IL1RAPL2: variants seen among roughly 807,000 people sequenced by gnomAD.
IL1RAPL2 encodes interleukin 1 receptor accessory protein like 2, also known as X-linked interleukin-1 receptor accessory protein-like 2.
IL1RAPL2 carries 3 observed loss-of-function variants against 44.1 expected under a neutral mutation model. The ratio of observed to expected loss-of-function variants is 0.07; its 90% CI spans 0.03 to 0.18. The LOEUF is 0.18. Among genes scored for constraint, IL1RAPL2 ranks in the 10% least tolerant of loss-of-function variants. The pLI, the probability that IL1RAPL2 is intolerant of heterozygous loss-of-function variation, is 1.00. For synonymous variants in IL1RAPL2, 181 were observed against 178.8 expected (o/e 1.01, Z -0.10); for missense variants, 391 against 496.4 (o/e 0.79, Z 2.02).
chrX:105,621,766 T>G (rs1336245209), intron 6 of IL1RAPL2, among the ~76,000 whole-genome samples: 1 of 111,258 alleles, frequency 9.0e-6, no homozygotes, highest in African/African-American at 3.3e-5. Flanking sequence ...ACTTAAAATA[T>G]TTTAAGGGAG....
At chrX:105,171,410 G>A (rs1300265344) in intron 2 of IL1RAPL2, among the ~76,000 whole-genome samples, 5 of 110,796 alleles carry the variant, frequency 4.5e-5, no homozygotes, top group Non-Finnish European at 9.5e-5. Flanking sequence ...AGAAGGTGGG[G>A]TATGTGGTAG....
intron 2 of IL1RAPL2, among the ~76,000 whole-genome samples, chrX:104,819,193 G>A (rs760039177): frequency 8.0e-5 from 9 of 112,182 alleles, no homozygotes; most frequent in East Asian, 2.8e-4. Context: ...TAAACCAATC[G>A]TAAATTGAAA....
chrX:105,595,660 G>A (rs369876730), intron 6 of IL1RAPL2, among the ~76,000 whole-genome samples: 1 of 111,187 alleles, frequency 9.0e-6, no homozygotes, highest in African/African-American at 3.3e-5. Context: ...GCTTTGCTAA[G>A]AGGGTGATGC....
At chrX:104,641,153 G>A (rs754177359) in intron 1 of IL1RAPL2, among the ~76,000 whole-genome samples, 21 of 111,878 alleles carry the variant, frequency 1.9e-4, no homozygotes, top group Non-Finnish European at 3.2e-4. Context: ...GGTTGGTTAC[G>A]CTTCAGGCCT....
intron 5 of IL1RAPL2, among the ~76,000 whole-genome samples, chrX:105,422,323 G>A (rs771761033): frequency 6.1e-4 from 68 of 111,504 alleles, no homozygotes; most frequent in South Asian, 4.1e-3. Flanking sequence ...TACTTACCCC[G>A]GGTTAGGACC....
rs1482286369 is a variant in IL1RAPL2, at chrX:105,464,781, G to A, written c.698-19532G>A. On this transcript the variant is annotated intron_variant, in intron 5 of 10. Coordinates refer to ENST00000372582, the MANE Select transcript of IL1RAPL2 (RefSeq NM_017416.2). ...CTTATTCCAGAGTCATGGGTAACTG[G>A]AGCCTATCCTGGCAGCTCAGGGCAC... Among the ~76,000 whole-genome samples the A allele has an allele frequency of 2.7e-5, 3 of 111,027 alleles. No homozygotes were observed. The East Asian group carries it at 8.6e-4, about 32-fold the overall frequency.
chrX:104,636,852 G>A (rs1346649439), intron 1 of IL1RAPL2, among the ~76,000 whole-genome samples: 3 of 111,677 alleles, frequency 2.7e-5, no homozygotes, highest in Non-Finnish European at 5.7e-5. Flanking sequence ...CCACTGTCCT[G>A]CACCCACTTT....
chrX:105,065,095 T>C (rs1442024743), intron 2 of IL1RAPL2, among the ~76,000 whole-genome samples: 1 of 112,323 alleles, frequency 8.9e-6, no homozygotes, highest in African/African-American at 3.2e-5. Context: ...AACTGACAGC[T>C]CAAATATAAT....
intron 2 of IL1RAPL2, among the ~76,000 whole-genome samples, chrX:104,809,670 T>G (rs1368517679): frequency 9.1e-6 from 1 of 109,914 alleles, no homozygotes; most frequent in African/African-American, 3.3e-5. Context: ...TTCTCCCATT[T>G]TGTAGGTTGC....
intron 2 of IL1RAPL2, among the ~76,000 whole-genome samples, chrX:104,955,348 G>C (rs1001824385): frequency 1.8e-5 from 2 of 110,139 alleles, no homozygotes; most frequent in African/African-American, 3.3e-5. Flanking sequence ...GGGAAGAACA[G>C]TCCCTAGCTG....
At chrX:105,275,526 T>C (rs1409221333) in intron 5 of IL1RAPL2, among the ~76,000 whole-genome samples, 1 of 112,362 alleles carries the variant, frequency 8.9e-6, no homozygotes, top group Non-Finnish European at 1.9e-5. Flanking sequence ...GACTAATTAA[T>C]ATCTACATCT....
In IL1RAPL2 at chrX:105,048,646, C is replaced by T. The variant is rs773771395; in HGVS notation, c.83-146829C>T. ...TCATGTGCTCAATAGTCACACGTGGCCAGTAGCTGCCATAGTGGACAGTGT... is the reference window on the plus strand; with the variant it reads ...TCATGTGCTCAATAGTCACACGTGGTCAGTAGCTGCCATAGTGGACAGTGT... On this transcript the variant is annotated intron_variant, in intron 2 of 10. Transcript: ENST00000372582. Among the ~76,000 whole-genome samples, 67 of 110,980 alleles carry T rather than the reference C, an allele frequency of 6.0e-4. 1 individual carries two copies. The highest frequency in any genetic ancestry group is 1.0e-3 in the Non-Finnish European group (54 of 52,946).
chrX:105,753,109 G>T (rs2038609585), intron 9 of IL1RAPL2: 1 of 300,717 alleles, frequency 3.3e-6, no homozygotes, highest in African/African-American at 2.7e-5. Flanking sequence ...GCATTGAACT[G>T]CAATATCAGA....
chrX:105,176,139 G>A (rs1914293017), intron 2 of IL1RAPL2, among the ~76,000 whole-genome samples: 1 of 111,083 alleles, frequency 9.0e-6, no homozygotes, highest in South Asian at 3.8e-4. Context: ...ACCAATAATA[G>A]TATTAAGGAT....
intron 5 of IL1RAPL2, among the ~76,000 whole-genome samples, chrX:105,460,351 C>T (rs900704927): frequency 8.2e-5 from 9 of 109,992 alleles, no homozygotes; most frequent in African/African-American, 3.0e-4. Flanking sequence ...TGTCTCCTTC[C>T]TTCTTTCCTT....
chrX:105,646,242 T>C (rs1045563641), intron 6 of IL1RAPL2, among the ~76,000 whole-genome samples: 1 of 111,681 alleles, frequency 9.0e-6, no homozygotes, highest in Non-Finnish European at 1.9e-5. Context: ...CTGTCTGGAT[T>C]TGTGTGCATT....
chrX:105,715,785 T>G (rs1484246600), intron 6 of IL1RAPL2, among the ~76,000 whole-genome samples: 1 of 111,627 alleles, frequency 9.0e-6, no homozygotes, highest in Non-Finnish European at 1.9e-5. Context: ...CTCTGCTTAT[T>G]GATTCAGGAA....
intron 2 of IL1RAPL2, among the ~76,000 whole-genome samples, chrX:105,047,243 A>G (rs1569369558): frequency 9.0e-6 from 1 of 111,456 alleles, no homozygotes; most frequent in Non-Finnish European, 1.9e-5. Context: ...ACACCATTAA[A>G]TATTATTCCA....
intron 6 of IL1RAPL2, among the ~76,000 whole-genome samples, chrX:105,564,393 T>A (rs1274780152): frequency 8.9e-6 from 1 of 111,837 alleles, no homozygotes; most frequent in Non-Finnish European, 1.9e-5. Flanking sequence ...CATCTTCTTA[T>A]AACTGCTACT....
Sources: allele counts gnomAD v4.1 joint callset (sites outside exome capture counted in the v4.1 genomes callset), GRCh38; gene constraint gnomAD v4.1.1; transcripts MANE v1.5; gene names NCBI Gene and HGNC (gene_info 2026-07-23, HGNC 2026-07-21).